Variants in ATG4B observed in about 807,000 individuals in gnomAD.
The protein encoded by ATG4B is cysteine protease ATG4B.
ATG4B carries 29 observed loss-of-function variants against 56.6 expected under a neutral mutation model. That is an observed-to-expected ratio of 0.51 (90% CI 0.38 to 0.70). The LOEUF (loss-of-function observed/expected upper bound fraction) is 0.70, where lower values mean the gene tolerates loss of function less well. Among genes scored for constraint, ATG4B ranks in the 30% least tolerant of loss-of-function variants. ATG4B has a pLI of 0.00. For missense variants in ATG4B, 461 were observed against 515.5 expected (o/e 0.89, Z 1.02); for synonymous variants, 224 against 206.1 (o/e 1.09, Z -0.74).
At chr2:241,657,132 T>C (rs997700817) in intron 6 of ATG4B, among the ~76,000 whole-genome samples, 1 of 151,224 alleles carries the variant, frequency 6.6e-6, no homozygotes, top group African/African-American at 2.4e-5. Context: ...CCCGCCACCA[T>C]GCCCAGCTAA....
At chr2:241,659,023 A>G (rs185513837) in intron 6 of ATG4B, 85 bp from the exon 7 acceptor site, 76 of 1,064,280 alleles carry the variant, frequency 7.1e-5, no homozygotes, top group Admixed American at 4.1e-4. Flanking sequence ...TCTAACGCGA[A>G]CCCTCCTTCG....
At position 241,668,748 on chromosome 2, in the gene ATG4B, G is replaced by A; in HGVS notation, c.957+63G>A. On this transcript the variant is annotated intron_variant, in intron 10 of 12. Transcript: ENST00000404914. The surrounding 1 kb of genome is among the most constrained non-coding windows in gnomAD (Gnocchi z 4.2). ...CTGAATGCTGTTTGGGAATGACGAG[G>A]AAAACTTTCGGATTTTTGCGTTTTT... 2 of 1,512,424 alleles carry A rather than the reference G, an allele frequency of 1.3e-6. No homozygotes were observed. Among genetic ancestry groups the A allele is most frequent in the Middle Eastern group, 1.8e-4 (1 of 5,450 alleles). 93.7% of individuals were successfully genotyped at this position (1,512,424 alleles called of 1,614,324 possible).
intron 1 of ATG4B, among the ~76,000 whole-genome samples, chr2:241,641,400 A>G (rs1390732643): frequency 2.0e-5 from 3 of 152,176 alleles, no homozygotes; most frequent in Non-Finnish European, 4.4e-5. Flanking sequence ...AATACAAAAA[A>G]TTAGCCGGGC....
At chr2:241,670,323 C>G (rs918811918) in intron 10 of ATG4B, among the ~76,000 whole-genome samples, 1 of 151,292 alleles carries the variant, frequency 6.6e-6, no homozygotes, top group Non-Finnish European at 1.5e-5. Context: ...TGGCCTTTGC[C>G]GCCAAGCTTC....
At chr2:241,640,770 G>A (rs2067858995) in intron 1 of ATG4B, among the ~76,000 whole-genome samples, 1 of 152,174 alleles carries the variant, frequency 6.6e-6, no homozygotes, top group Admixed American at 6.5e-5. Flanking sequence ...CAAGAGCCTG[G>A]TGTGGCTCAG....
At chr2:241,656,990 A>C (rs1326557854) in intron 6 of ATG4B, among the ~76,000 whole-genome samples, 1 of 113,116 alleles carries the variant, frequency 8.8e-6, no homozygotes, top group Non-Finnish European at 1.8e-5. Context: ...TTTTTTTTTG[A>C]GACAGTCTAG....
chr2:241,660,146 C>T (rs62190284), intron 7 of ATG4B, among the ~76,000 whole-genome samples: 4,459 of 152,238 alleles, frequency 0.029, 80 homozygotes, highest in Middle Eastern at 0.082. Flanking sequence ...GCCTTGATCA[C>T]GCCACTGCAC....
chr2:241,667,553 G>A (rs570341415), intron 8 of ATG4B, among the ~76,000 whole-genome samples: 116 of 150,778 alleles, frequency 7.7e-4, no homozygotes, highest in Non-Finnish European at 1.4e-3. Flanking sequence ...GCAGTGACCC[G>A]AGATCATGCC....
At chr2:241,639,203 AG>A (rs2067804561) in intron 1 of ATG4B, among the ~76,000 whole-genome samples, 1 of 152,224 alleles carries the variant, frequency 6.6e-6, no homozygotes, top group African/African-American at 2.4e-5. Context: ...GCTTACAGCT[AG>A]ACATGTGGCA....
At chr2:241,646,394 G>C (rs150132215) in intron 1 of ATG4B, among the ~76,000 whole-genome samples, 1 of 152,252 alleles carries the variant, frequency 6.6e-6, no homozygotes, top group East Asian at 1.9e-4. Flanking sequence ...TGTTACTGCA[G>C]ACTGTTACTG....
chr2:241,668,533 C>G lies in ATG4B; in HGVS notation c.812-7C>G, dbSNP rs1224200268. ...CACCCACCTGCCCACCTGCCTCATC[C>G]TCCCAGGTGAGGAGCTCATCTACCT... On this transcript the variant is annotated splice_polypyrimidine_tract_variant and splice_region_variant and intron_variant, in intron 9 of 12. Transcript: ENST00000404914. The surrounding 1 kb of genome is among the most constrained non-coding windows in gnomAD (Gnocchi z 4.2). 1.2e-6 allele frequency: 2 copies of G among 1,607,344 alleles called. No homozygotes were observed. Among genetic ancestry groups the G allele is most frequent in the Non-Finnish European group, 1.7e-6 (2 of 1,178,960 alleles).
At chr2:241,659,492 G>C (rs1280698393) in intron 7 of ATG4B, 1 of 414,290 alleles carries the variant, frequency 2.4e-6, no homozygotes, top group African/African-American at 2.0e-5. Context: ...GCCCTCGTGT[G>C]GGAATTCTGG....
Position 241,655,545 on chromosome 2 carries a change from T to A in ATG4B, c.458+202T>A, listed in dbSNP as rs1259463041. On this transcript the variant is annotated intron_variant, in intron 6 of 12. Coordinates refer to ENST00000404914, the MANE Select transcript of ATG4B (RefSeq NM_013325.5). ...TTTTCTAACAAAATGAACACCGTAG[T>A]CCACATCCTGGCTGGCACATTGGAC... 3 of 602,358 alleles carry A rather than the reference T, an allele frequency of 5.0e-6. No homozygotes were observed. In the African/African-American group the frequency reaches 5.6e-5, roughly 11 times the overall value. 37.3% of individuals were successfully genotyped at this position (602,358 alleles called of 1,614,324 possible). A position where few individuals can be genotyped will look rare whatever the true frequency, so the allele number is the denominator to read the frequency against.
intron 7 of ATG4B, among the ~76,000 whole-genome samples, chr2:241,662,984 C>T: frequency 6.6e-6 from 1 of 152,168 alleles, no homozygotes. Flanking sequence ...GCCTATAATC[C>T]CAGCACTTCG....
intron 6 of ATG4B, among the ~76,000 whole-genome samples, chr2:241,658,287 G>A (rs1465487947): frequency 3.3e-5 from 5 of 151,554 alleles, no homozygotes; most frequent in African/African-American, 9.7e-5. Context: ...AGCTGGGCTG[G>A]AGATGGGAGG....
At position 241,639,246 on chromosome 2, in the gene ATG4B, A is replaced by G. The variant is rs541707149; in HGVS notation, c.10+1522A>G. On this transcript the variant is annotated intron_variant, in intron 1 of 12. Coordinates refer to ENST00000404914, the MANE Select transcript of ATG4B (RefSeq NM_013325.5). ...TCCCACGGCGGACTCCAGCGTCCAGACAAAGGGACAGTGGATTCTGGTGTC... is the reference window on the plus strand; with the variant it reads ...TCCCACGGCGGACTCCAGCGTCCAGGCAAAGGGACAGTGGATTCTGGTGTC... Among the ~76,000 whole-genome samples, 4 of 152,338 alleles carry G rather than the reference A, an allele frequency of 2.6e-5. No individual in the cohort carries two copies. The East Asian group carries it at 7.7e-4, about 29-fold the overall frequency.
chr2:241,656,112 T>A (rs1292399590), intron 6 of ATG4B, among the ~76,000 whole-genome samples: 1 of 151,064 alleles, frequency 6.6e-6, no homozygotes, highest in South Asian at 2.1e-4. Context: ...AGCCTCTCCT[T>A]CTGCATCTGC....
chr2:241,661,715 G>A (rs1256145351), intron 7 of ATG4B, among the ~76,000 whole-genome samples: 1 of 152,164 alleles, frequency 6.6e-6, no homozygotes, highest in Non-Finnish European at 1.5e-5. Flanking sequence ...GGTAAGGGGA[G>A]ACCTTACTGC....
chr2:241,661,170 G>A (rs1411945933), intron 7 of ATG4B, among the ~76,000 whole-genome samples: 2 of 152,228 alleles, frequency 1.3e-5, no homozygotes, highest in Non-Finnish European at 2.9e-5. Context: ...CTCCCGGGAG[G>A]ATGTGGAGGC....
Sources: allele counts gnomAD v4.1 joint callset (sites outside exome capture counted in the v4.1 genomes callset), GRCh38; gene constraint gnomAD v4.1.1; non-coding constraint Gnocchi (gnomAD v3.1); transcripts MANE v1.5; gene names NCBI Gene and HGNC (gene_info 2026-07-23, HGNC 2026-07-21).